CHRNA3: variants seen among roughly 807,000 people sequenced by gnomAD.
CHRNA3 encodes the protein neuronal acetylcholine receptor subunit alpha-3.
CHRNA3 carries 34 observed loss-of-function variants against 41.9 expected under a neutral mutation model. The ratio of observed to expected loss-of-function variants is 0.81; its 90% confidence interval spans 0.62 to 1.08. CHRNA3 has a LOEUF of 1.08. CHRNA3 is among the 50% of genes least tolerant of loss of function. The pLI, the probability that CHRNA3 is intolerant of heterozygous loss-of-function variation, is 0.00. For synonymous variants in CHRNA3, 281 were observed against 265.2 expected (o/e 1.06, Z -0.58); for missense variants, 542 against 638.3 (o/e 0.85, Z 1.63).
intron 3 of CHRNA3, among the ~76,000 whole-genome samples, chr15:78,617,869 G>A (rs1254380229): frequency 6.6e-6 from 1 of 152,174 alleles, no homozygotes; most frequent in Non-Finnish European, 1.5e-5. Flanking sequence ...GAGGACATGT[G>A]GAAGGCAATT....
chr15:78,620,693 C>T lies in CHRNA3; in HGVS notation c.82+20G>A. 1.3e-6 allele frequency: 2 copies of T among 1,504,872 alleles called. No individual in the cohort carries two copies. The highest frequency in any genetic ancestry group is 1.8e-6 in the Non-Finnish European group (2 of 1,133,814). The allele number at this position is 1,504,872 out of a possible 1,614,324, so 93.2% of individuals were successfully genotyped here. On this transcript the variant is annotated intron_variant, in intron 1 of 5. Transcript: ENST00000326828. ...TCTCGGGCGCCCGTCCCTCCGGAGCCCTAACGCCTGTGCGCGTACCTGGCA... is the reference window on the plus strand; with the variant it reads ...TCTCGGGCGCCCGTCCCTCCGGAGCTCTAACGCCTGTGCGCGTACCTGGCA...
chr15:78,613,765 C>A (rs28564957), intron 4 of CHRNA3, among the ~76,000 whole-genome samples: 71,382 of 127,604 alleles, frequency 0.56, 19,657 homozygotes, highest in Middle Eastern at 0.74. Flanking sequence ...GGCAAACAAA[C>A]AAAAAAAAAA....
chr15:78,611,150 G>A (rs2053373856), intron 4 of CHRNA3, among the ~76,000 whole-genome samples: 1 of 152,198 alleles, frequency 6.6e-6, no homozygotes, highest in Non-Finnish European at 1.5e-5. Context: ...GTACAAGGAG[G>A]AGCTGGTACC....
At position 78,596,424 on chromosome 15, in the gene CHRNA3, A is replaced by C; in HGVS notation, c.*180T>G. 3.9e-6 allele frequency: 5 copies of C among 1,279,046 alleles called. No individual in the cohort carries two copies. Among genetic ancestry groups the C allele is most frequent in the Non-Finnish European group, 4.9e-6 (5 of 1,018,540 alleles). The allele number at this position is 1,279,046 out of a possible 1,614,324, so 79.2% of individuals were successfully genotyped here. ...GCTAGTTAAATGTTCATTTATCGGT[A>C]ATAAATACTCTTGACATTTTTTTTT... On this transcript the variant is annotated 3_prime_UTR_variant, in exon 6 of 6. Coordinates refer to ENST00000326828, the MANE Select transcript of CHRNA3 (RefSeq NM_000743.5).
rs776084113 is a variant in CHRNA3 at position 78,618,805 on chromosome 15, C to T, written c.193G>A (p.Glu65Lys). 7 of 1,614,090 alleles carry T rather than the reference C, an allele frequency of 4.3e-6. No individual in the cohort carries two copies. The South Asian group carries it at 4.4e-5, about 10-fold the overall frequency. ...NVSDPVIIHF[E>K]VSMSQLVKVD... ...TTCACCAGCTGAGACATGGACACCT[C>T]GAAATGGATGATGACTGGGTCAGAC... Residue 65 changes from glutamate to lysine, a missense_variant, in exon 2 of 6, where the codon GAG becomes AAG. By Grantham distance (56) the Glu-to-Lys change is moderately conservative. Transcript: ENST00000326828.
chr15:78,614,785 C>T (rs562912177), intron 4 of CHRNA3, among the ~76,000 whole-genome samples: 1 of 152,142 alleles, frequency 6.6e-6, no homozygotes, highest in Non-Finnish European at 1.5e-5. Context: ...TTCTTCAATA[C>T]CCAGAGAACT....
chr15:78,604,783 C>T (rs527486151), intron 4 of CHRNA3, among the ~76,000 whole-genome samples: 30 of 152,264 alleles, frequency 2.0e-4, no homozygotes, highest in South Asian at 6.2e-4. Flanking sequence ...GAGGCTGAGG[C>T]GGGCAGATCA....
At chr15:78,615,064 C>T (rs7177514) in intron 4 of CHRNA3, among the ~76,000 whole-genome samples, 35 of 152,090 alleles carry the variant, frequency 2.3e-4, no homozygotes, top group African/African-American at 7.0e-4. Context: ...CAGCTTCTCT[C>T]GATGGCAGGA....
chr15:78,619,647 C>T (rs1026160016), intron 1 of CHRNA3: 1 of 152,386 alleles, frequency 6.6e-6, no homozygotes, highest in Non-Finnish European at 1.5e-5. Context: ...CTGATGCTGT[C>T]TTCATATCCT....
intron 4 of CHRNA3, among the ~76,000 whole-genome samples, chr15:78,605,018 A>AG (rs869068778): frequency 2.4e-5 from 2 of 82,914 alleles, no homozygotes; most frequent in Non-Finnish European, 2.6e-5. Context: ...GTCTCAGTCA[A>AG]TCAATATCAC....
At chr15:78,613,775 A>C (rs929234952) in intron 4 of CHRNA3, among the ~76,000 whole-genome samples, 5 of 89,158 alleles carry the variant, frequency 5.6e-5, no homozygotes, top group South Asian at 3.3e-4. Context: ...CAAAAAAAAA[A>C]CCAAAAAAAA....
chr15:78,595,546 G>T lies in CHRNA3; in HGVS notation c.*1058C>A. ...CATAACTGGTGAAGAAGCAAGGTAT[G>T]TCATTGGCATCTAGTGAGTTGAGGC... is the stretch of plus-strand genomic sequence containing the variant. On this transcript the variant is annotated 3_prime_UTR_variant, in exon 6 of 6. Coordinates refer to ENST00000326828, the MANE Select transcript of CHRNA3 (RefSeq NM_000743.5). 3.8e-6 allele frequency: 1 copy of T among 265,336 alleles called. No homozygotes were observed. The highest frequency in any genetic ancestry group is 5.8e-6 in the Non-Finnish European group (1 of 171,770). The allele number at this position is 265,336 out of a possible 1,614,324, so 16.4% of individuals were successfully genotyped here.
Position 78,602,145 on chromosome 15 carries a change from A to G in CHRNA3, c.497T>C (p.Phe166Ser). 1 of 1,614,090 alleles carries G rather than the reference A, an allele frequency of 6.2e-7. No individual in the cohort carries two copies. The highest frequency in any genetic ancestry group is 8.5e-7 in the Non-Finnish European group (1 of 1,180,018). ...GGTACAGTTTTGGTAATCAAACGGG[A>G]AGTAGGTCACGTCGATTTTACAGGA... ...KSSCKIDVTY[F>S]PFDYQNCTMK... is the part of the protein sequence containing the mutation. Residue 166 changes from phenylalanine (F) to serine (S), a missense_variant, in exon 5 of 6, where the codon TTC becomes TCC. Coordinates refer to ENST00000326828, the MANE Select transcript of CHRNA3 (RefSeq NM_000743.5).
intron 4 of CHRNA3, among the ~76,000 whole-genome samples, chr15:78,603,679 C>T (rs558580650): frequency 6.6e-6 from 1 of 152,288 alleles, no homozygotes; most frequent in African/African-American, 2.4e-5. Context: ...GCATGTGCTT[C>T]TTCCTTGCTA....
rs8192479 is a variant in CHRNA3, at chr15:78,617,056, C to T, written c.345G>A (p.Lys115=). The change falls in exon 4 of 6, where the codon AAG becomes AAA. Residue 115 remains lysine, a synonymous_variant. Transcript: ENST00000326828. ...GAEFMRVPAQ[K]IWKPDIVLYN... ...ACAGCACAATGTCTGGCTTCCAGAT[C>T]TTCTGTGCAGGGACACGCATGAACT... 27,323 of 1,613,480 alleles carry T rather than the reference C, an allele frequency of 0.017. 274 individuals are homozygous for T. The highest frequency in any genetic ancestry group is 0.02 in the Non-Finnish European group (23,599 of 1,179,608).
At chr15:78,604,797 G>A (rs2053257788) in intron 4 of CHRNA3, among the ~76,000 whole-genome samples, 1 of 152,222 alleles carries the variant, frequency 6.6e-6, no homozygotes, top group Non-Finnish European at 1.5e-5. Context: ...CAGATCACCT[G>A]AGGTCAGCAG....
chr15:78,612,332 G>A (rs1379756316), intron 4 of CHRNA3, among the ~76,000 whole-genome samples: 15 of 146,658 alleles, frequency 1.0e-4, no homozygotes, highest in Non-Finnish European at 1.8e-4. Flanking sequence ...CAAGGCTACA[G>A]TAACCAAAAC....
At chr15:78,613,593 A>G (rs1037641109) in intron 4 of CHRNA3, among the ~76,000 whole-genome samples, 4 of 149,416 alleles carry the variant, frequency 2.7e-5, no homozygotes, top group Admixed American at 6.7e-5. Context: ...GGGGGGAGAG[A>G]TAGCATTAGG....
chr15:78,613,199 A>T (rs1478132692), intron 4 of CHRNA3, among the ~76,000 whole-genome samples: 1 of 152,180 alleles, frequency 6.6e-6, no homozygotes, highest in African/African-American at 2.4e-5. Flanking sequence ...ATACCATTTG[A>T]CCCAGCCATC....
Sources: gnomAD v4.1 joint callset for allele counts (sites outside exome capture counted in the v4.1 genomes callset) on GRCh38, gnomAD v4.1.1 for gene constraint, MANE v1.5 for transcripts, NCBI Gene and HGNC (gene_info 2026-07-23, HGNC 2026-07-21) for gene names.